Variants in PTPRD observed in about 807,000 individuals in gnomAD.
PTPRD encodes the protein receptor-type tyrosine-protein phosphatase delta.
In PTPRD, 34 loss-of-function variants were observed where a neutral mutation model predicts 214.5. That is an observed-to-expected ratio of 0.16 (90% confidence interval 0.12 to 0.21). The LOEUF is 0.21. Among genes scored for constraint, PTPRD ranks in the 10% least tolerant of loss-of-function variants. The pLI, the probability that PTPRD is intolerant of heterozygous loss-of-function variation, is 1.00. For synonymous variants in PTPRD, 1,128 were observed against 845.7 expected, an observed-to-expected ratio of 1.33 and a Z score of -5.79; for missense variants, 2,545 against 2,398.7, an observed-to-expected ratio of 1.06 and a Z score of -1.27.
intron 4 of PTPRD, among the ~76,000 whole-genome samples, chr9:9,963,763 G>T (rs1334363967): frequency 6.6e-6 from 1 of 152,054 alleles, no homozygotes; most frequent in African/African-American, 2.4e-5. Context: ...ATGAAGAGAT[G>T]AACTTATGGC....
At chr9:10,455,126 C>G (rs1296405483) in intron 2 of PTPRD, among the ~76,000 whole-genome samples, 1 of 151,718 alleles carries the variant, frequency 6.6e-6, no homozygotes, top group Non-Finnish European at 1.5e-5. Context: ...ACTGCTCACT[C>G]AAAGCTTATC....
chr9:9,606,652 A>C (rs1332963176), intron 7 of PTPRD, among the ~76,000 whole-genome samples: 1 of 152,026 alleles, frequency 6.6e-6, no homozygotes, highest in Non-Finnish European at 1.5e-5. Context: ...TTTAGCCTGT[A>C]GAAAGGACAG....
chr9:10,200,430 T>C lies in PTPRD; in HGVS notation c.-545+140533A>G, dbSNP rs117177759. The stretch of plus-strand genomic sequence containing the variant: ...AGTTAATAGAGGCCAGGAATGCTGC[T>C]AAACATTAAACAAGGCATAAGACAG... On this transcript the variant is annotated intron_variant, in intron 3 of 45. Coordinates refer to ENST00000381196, the MANE Select transcript of PTPRD (RefSeq NM_002839.4). Among the ~76,000 whole-genome samples, 1,255 of 152,210 alleles carry C rather than the reference T, an allele frequency of 8.2e-3. 8 individuals carry two copies. Among genetic ancestry groups the C allele is most frequent in the Middle Eastern group, 0.017 (5 of 294 alleles).
At chr9:9,021,271 C>G (rs1196277880) in intron 10 of PTPRD, among the ~76,000 whole-genome samples, 1 of 152,096 alleles carries the variant, frequency 6.6e-6, no homozygotes, top group Non-Finnish European at 1.5e-5. Context: ...AAGCTTATAA[C>G]AGAGCTGAAA....
chr9:10,397,982 A>T (rs954123401), intron 2 of PTPRD, among the ~76,000 whole-genome samples: 1 of 151,940 alleles, frequency 6.6e-6, no homozygotes, highest in African/African-American at 2.4e-5. Flanking sequence ...TAAAATTAAT[A>T]CATTAACTGA....
chr9:8,394,281 A>G (rs1223174338), intron 36 of PTPRD, among the ~76,000 whole-genome samples: 2 of 152,124 alleles, frequency 1.3e-5, no homozygotes, highest in African/African-American at 2.4e-5. Flanking sequence ...AGGGGTGTTT[A>G]CAATGATGAG....
At chr9:9,297,118 T>A (rs1051791094) in intron 9 of PTPRD, among the ~76,000 whole-genome samples, 1 of 151,632 alleles carries the variant, frequency 6.6e-6, no homozygotes, top group African/African-American at 2.4e-5. Context: ...TGGATGAGAG[T>A]CAGGGGCCAC....
chr9:8,472,417 G>T (rs1015689940), intron 30 of PTPRD, among the ~76,000 whole-genome samples: 7 of 152,106 alleles, frequency 4.6e-5, no homozygotes, highest in African/African-American at 1.4e-4. Context: ...GGCCAGCAAG[G>T]CCTCTTTCTA....
chr9:8,970,209 C>A (rs951694227), intron 11 of PTPRD, among the ~76,000 whole-genome samples: 11 of 151,890 alleles, frequency 7.2e-5, no homozygotes, highest in African/African-American at 2.4e-4. Context: ...ATTCTCTAGG[C>A]TAGTGCTATG....
intron 8 of PTPRD, among the ~76,000 whole-genome samples, chr9:9,478,102 T>A (rs1051541976): frequency 6.6e-6 from 1 of 150,460 alleles, no homozygotes; most frequent in African/African-American, 2.4e-5. Flanking sequence ...ATAATTTAGG[T>A]TTTTTTAGAT....
At chr9:8,529,076 T>A (rs1412219662) in intron 14 of PTPRD, among the ~76,000 whole-genome samples, 1 of 152,062 alleles carries the variant, frequency 6.6e-6, no homozygotes, top group Non-Finnish European at 1.5e-5. Flanking sequence ...GTGCTTGAGA[T>A]CAGTGAGTAC....
chr9:9,488,010 T>C (rs1372778803), intron 8 of PTPRD, among the ~76,000 whole-genome samples: 1 of 152,204 alleles, frequency 6.6e-6, no homozygotes, highest in African/African-American at 2.4e-5. Flanking sequence ...TTATACTATT[T>C]GTGTGCCATA....
chr9:9,151,800 G>A (rs2099877020), intron 10 of PTPRD, among the ~76,000 whole-genome samples: 1 of 152,154 alleles, frequency 6.6e-6, no homozygotes. Context: ...TCATCACAAT[G>A]TGATATAAAG....
intron 39 of PTPRD, among the ~76,000 whole-genome samples, chr9:8,353,817 A>AAAATATGT (rs1381526587): frequency 3.0e-5 from 3 of 98,554 alleles, no homozygotes; most frequent in South Asian, 6.8e-4. Context: ...CTCAAAAAAA[A>AAAATATGT]ATATATGTAT....
chr9:8,584,084 T>A lies in PTPRD; in HGVS notation c.352+49233A>T, dbSNP rs566090548. Among the ~76,000 whole-genome samples the A allele has an allele frequency of 6.4e-4, 98 of 152,228 alleles. 2 individuals carry two copies. The South Asian group carries it at 0.018, about 28-fold the overall frequency. On this transcript the variant is annotated intron_variant, in intron 14 of 45. Transcript: ENST00000381196. ...CAGGAGGATCACCTGAGCCTGGTAG[T>A]TCGAGGCTGTAGTGAGCCATGATTG... is the stretch of plus-strand genomic sequence containing the variant.
intron 11 of PTPRD, among the ~76,000 whole-genome samples, chr9:8,955,682 A>G: frequency 6.6e-6 from 1 of 151,774 alleles, no homozygotes; most frequent in African/African-American, 2.4e-5. Context: ...CAAGGCAAAA[A>G]GAAGTCTTTA....
At chr9:8,713,565 C>T in intron 12 of PTPRD, 2 of 1,440,996 alleles carry the variant, frequency 1.4e-6, no homozygotes, top group African/African-American at 2.8e-5. Flanking sequence ...TGCGCTGTGA[C>T]TCCCGGAGCG....
chr9:8,374,678 C>G (rs1163190796), intron 39 of PTPRD, among the ~76,000 whole-genome samples: 1 of 151,990 alleles, frequency 6.6e-6, no homozygotes, highest in Non-Finnish European at 1.5e-5. Flanking sequence ...TTATGAACAT[C>G]AAACAAAATA....
intron 14 of PTPRD, among the ~76,000 whole-genome samples, chr9:8,564,715 T>C (rs942238730): frequency 6.6e-6 from 1 of 152,066 alleles, no homozygotes; most frequent in Admixed American, 6.6e-5. Flanking sequence ...AAATTAAAAG[T>C]TGACATTCAC....
Sources: allele counts gnomAD v4.1 joint callset (sites outside exome capture counted in the v4.1 genomes callset), GRCh38; gene constraint gnomAD v4.1.1; transcripts MANE v1.5; gene names NCBI Gene and HGNC (gene_info 2026-07-23, HGNC 2026-07-21).